Variants in DLGAP2 observed in about 807,000 individuals in gnomAD.
The protein encoded by DLGAP2 is DLG associated protein 2.
In DLGAP2, 26 loss-of-function variants were observed where a neutral mutation model predicts 100.3. The observed-to-expected ratio is 0.26, with a 90% CI of 0.19 to 0.36. The LOEUF is 0.36. Among genes scored for constraint, DLGAP2 ranks in the 10% least tolerant of loss-of-function variants. The pLI, the probability that DLGAP2 is intolerant of heterozygous loss-of-function variation, is 1.00. For synonymous variants in DLGAP2, 886 were observed against 630.1 expected (o/e 1.41, Z -6.08); for missense variants, 1,858 against 1,453.2 (o/e 1.28, Z -4.53).
At chr8:1,250,939 C>A (rs999117670) in intron 2 of DLGAP2, among the ~76,000 whole-genome samples, 4 of 152,188 alleles carry the variant, frequency 2.6e-5, no homozygotes, top group African/African-American at 9.7e-5. Context: ...TTAAGGGATG[C>A]AAGCACAGTT....
intron 3 of DLGAP2, among the ~76,000 whole-genome samples, chr8:1,360,763 G>T (rs911294790): frequency 6.6e-6 from 1 of 152,124 alleles, no homozygotes; most frequent in African/African-American, 2.4e-5. Context: ...GATCATGATG[G>T]TCTGTCTCTT....
chr8:1,573,490 T>A (rs950813266), intron 6 of DLGAP2, among the ~76,000 whole-genome samples: 3 of 152,038 alleles, frequency 2.0e-5, no homozygotes, highest in African/African-American at 7.2e-5. Flanking sequence ...GTGAAGAGTG[T>A]CTGAGAGAAA....
intron 2 of DLGAP2, among the ~76,000 whole-genome samples, chr8:1,143,465 T>G (rs1796555821): frequency 6.6e-6 from 1 of 152,220 alleles, no homozygotes; most frequent in South Asian, 2.1e-4. Context: ...ACGGGATATT[T>G]ACTGAGTTGT....
intron 2 of DLGAP2, among the ~76,000 whole-genome samples, chr8:1,051,188 C>T (rs1446540514): frequency 6.6e-6 from 1 of 152,140 alleles, no homozygotes; most frequent in Non-Finnish European, 1.5e-5. Flanking sequence ...TTGTCAGCAC[C>T]ACCTCGAAGC....
At position 1,093,080 on chromosome 8, in the gene DLGAP2, G is replaced by A. The variant is rs577177784; in HGVS notation, c.74-165771G>A. On this transcript the variant is annotated intron_variant, in intron 2 of 14. Coordinates refer to ENST00000637795, the MANE Select transcript of DLGAP2 (RefSeq NM_001346810.2). ...GCAGCTGAGGCTGAAAACCGAGGCC[G>A]AGCTCCTTCCTCCTTGGGGACCGCA... is the stretch of plus-strand genomic sequence containing the variant. Among the ~76,000 whole-genome samples the A allele has an allele frequency of 3.9e-5, 6 of 152,270 alleles. No individual in the cohort carries two copies. In the South Asian group the frequency reaches 8.3e-4, roughly 21 times the overall value.
At chr8:1,118,658 G>A (rs1795958060) in intron 2 of DLGAP2, among the ~76,000 whole-genome samples, 1 of 152,140 alleles carries the variant, frequency 6.6e-6, no homozygotes, top group African/African-American at 2.4e-5. Flanking sequence ...AGGGCATTTT[G>A]TCAGTGCTTA....
intron 1 of DLGAP2, among the ~76,000 whole-genome samples, chr8:897,250 C>A (rs1001601034): frequency 6.6e-6 from 1 of 152,124 alleles, no homozygotes; most frequent in African/African-American, 2.4e-5. Flanking sequence ...CCTGGTCCTG[C>A]CAGGCCATGT....
rs1419965575 is a variant in DLGAP2, at chr8:863,611, C to G, written c.19-44301C>G. ...TTGTTTCCTTTGCTGTGCAGAAGCT[C>G]CAGTTTGATAGAATCCTCAGCACCG... On this transcript the variant is annotated intron_variant, in intron 1 of 14. Coordinates refer to ENST00000637795, the MANE Select transcript of DLGAP2 (RefSeq NM_001346810.2). Among the ~76,000 whole-genome samples, 8 of 152,152 alleles carry G rather than the reference C, an allele frequency of 5.3e-5. No individual in the cohort carries two copies. The East Asian group carries it at 5.8e-4, about 11-fold the overall frequency.
At chr8:1,244,671 A>G (rs1798867411) in intron 2 of DLGAP2, among the ~76,000 whole-genome samples, 1 of 152,234 alleles carries the variant, frequency 6.6e-6, no homozygotes, top group African/African-American at 2.4e-5. Flanking sequence ...AGATAAAATT[A>G]TAAAACCGCA....
At chr8:1,689,088 A>G (rs985021460) in intron 12 of DLGAP2, among the ~76,000 whole-genome samples, 7 of 152,176 alleles carry the variant, frequency 4.6e-5, no homozygotes, top group African/African-American at 1.7e-4. Flanking sequence ...CTGTTAAGGA[A>G]TGTTTGGGGG....
At chr8:1,515,209 G>A (rs1396062393) in intron 4 of DLGAP2, among the ~76,000 whole-genome samples, 1 of 152,202 alleles carries the variant, frequency 6.6e-6, no homozygotes, top group African/African-American at 2.4e-5. Context: ...TGCAGCCGAT[G>A]AGCACACCCA....
intron 2 of DLGAP2, among the ~76,000 whole-genome samples, chr8:1,193,251 G>A (rs767618422): frequency 4.6e-5 from 7 of 152,280 alleles, no homozygotes; most frequent in South Asian, 2.1e-4. Context: ...TCGCCACACC[G>A]TCTTCCACAA....
intron 2 of DLGAP2, 70 bp from the exon 3 acceptor site, chr8:1,258,781 T>C (rs1799281760): frequency 8.4e-7 from 1 of 1,192,654 alleles, no homozygotes; most frequent in Non-Finnish European, 1.0e-6. Flanking sequence ...TTGTTGCTGA[T>C]GTTGAATCTT....
intron 2 of DLGAP2, among the ~76,000 whole-genome samples, chr8:1,210,952 G>T (rs1038867898): frequency 1.3e-5 from 2 of 152,154 alleles, no homozygotes; most frequent in Admixed American, 1.3e-4. Flanking sequence ...TTTCCATTAG[G>T]TTCAAGGACA....
rs117855762 is a variant in DLGAP2 at position 978,715 on chromosome 8, C to G, written c.73+70749C>G. ...ATTCACTGAGGGGCTGAGTTCTGGT[C>G]TTTGCCACGCGGGCATGTGTATATC... On this transcript the variant is annotated intron_variant, in intron 2 of 14. Transcript: ENST00000637795. Among the ~76,000 whole-genome samples the G allele has an allele frequency of 9.0e-3, 1,365 of 152,122 alleles. 9 individuals carry two copies. Among genetic ancestry groups the G allele is most frequent in the Non-Finnish European group, 0.013 (864 of 67,996 alleles).
intron 2 of DLGAP2, among the ~76,000 whole-genome samples, chr8:980,536 C>T (rs1800299871): frequency 6.6e-6 from 1 of 152,210 alleles, no homozygotes; most frequent in Non-Finnish European, 1.5e-5. Flanking sequence ...GTGCTTATTT[C>T]TGTTCTCTCT....
chr8:1,671,288 C>T (rs1191815608), intron 10 of DLGAP2, among the ~76,000 whole-genome samples: 2 of 152,238 alleles, frequency 1.3e-5, no homozygotes, highest in Admixed American at 1.3e-4. Context: ...GCAGGTGTCA[C>T]GCTGTTCTGC....
At chr8:1,638,741 C>T (rs147318410) in intron 8 of DLGAP2, among the ~76,000 whole-genome samples, 4 of 152,308 alleles carry the variant, frequency 2.6e-5, no homozygotes, top group Admixed American at 1.3e-4. Context: ...AGCCAGCATG[C>T]AGGCAGGGAG....
At chr8:804,111 A>G (rs1432569078) in intron 1 of DLGAP2, among the ~76,000 whole-genome samples, 1 of 152,198 alleles carries the variant, frequency 6.6e-6, no homozygotes, top group African/African-American at 2.4e-5. Context: ...AGGATATCCC[A>G]TGCATGGCCC....
Sources: allele counts gnomAD v4.1 joint callset (sites outside exome capture counted in the v4.1 genomes callset), GRCh38; gene constraint gnomAD v4.1.1; transcripts MANE v1.5; gene names NCBI Gene and HGNC (gene_info 2026-07-23, HGNC 2026-07-21).